MBLAC2: variants seen among roughly 807,000 people sequenced by gnomAD.
MBLAC2 encodes metallo-beta-lactamase domain containing 2.
Under a neutral mutation model 23.3 loss-of-function variants are expected in MBLAC2, and 24 were observed. The observed-to-expected ratio is 1.03, with a 90% confidence interval of 0.75 to 1.45. MBLAC2 has a LOEUF of 1.45. MBLAC2 is among the 40% of genes most tolerant of loss of function. The probability of loss-of-function intolerance (pLI) is 0.00; values close to 1 mark genes in which losing one functional copy is unlikely to be tolerated. For missense variants in MBLAC2, 358 were observed against 370.0 expected (o/e 0.97, Z 0.27); for synonymous variants, 162 against 150.9 (o/e 1.07, Z -0.54).
Position 90,474,071 on chromosome 5 carries a change from G to A in MBLAC2, c.222C>T (p.Arg74=). 6 of 1,576,672 alleles carry A rather than the reference G, an allele frequency of 3.8e-6. No individual in the cohort carries two copies. The highest frequency in any genetic ancestry group is 4.3e-6 in the Non-Finnish European group (5 of 1,161,652). Residue 74 remains arginine, a synonymous_variant, in exon 1 of 2, where the codon CGC becomes CGT. Coordinates refer to ENST00000316610, the MANE Select transcript of MBLAC2 (RefSeq NM_203406.2). ...QDREAKEDAA[R]RPLLAVATHV... ...GGGTGGCCACGGCAAGCAGTGGCCG[G>A]CGCGCCGCGTCCTCTTTGGCCTCTC...
Position 90,474,014 on chromosome 5 carries a change from G to C in MBLAC2, c.279C>G (p.Tyr93Ter). 6.3e-7 allele frequency: 1 copy of C among 1,597,058 alleles called. No homozygotes were observed. Among genetic ancestry groups the C allele is most frequent in the Non-Finnish European group, 8.5e-7 (1 of 1,173,028 alleles). The stretch of plus-strand genomic sequence containing the variant: ...GGTGCACTGCCACGCGGTCGAACTG[G>C]TAGAGGCCGCCGGAGTGGTCGAAGT... ...HVHFDHSGGLYQFDRVAVHHA... is the reference protein window; with the variant it reads ...HVHFDHSGGL The change falls in exon 1 of 2, where the codon TAC becomes TAG. Residue 93 changes from tyrosine to a stop codon, truncating the protein, a stop_gained. Coordinates refer to ENST00000316610, the MANE Select transcript of MBLAC2 (RefSeq NM_203406.2). LOFTEE classifies it high-confidence loss of function.
rs1304180525 is a variant in MBLAC2, at chr5:90,461,568, G to A, written c.455-16C>T. On this transcript the variant is annotated splice_polypyrimidine_tract_variant and intron_variant, in intron 1 of 1. Transcript: ENST00000316610. ...ATCACATCCCCTACAAATGGAAACAGAGTTTACAGATAAACATGTTGTATA... is the reference window on the plus strand; with the variant it reads ...ATCACATCCCCTACAAATGGAAACAAAGTTTACAGATAAACATGTTGTATA... The A allele has an allele frequency of 1.9e-6, 3 of 1,590,106 alleles. No individual in the cohort carries two copies. In the Admixed American group the frequency reaches 5.3e-5, roughly 28 times the overall value.
chr5:90,470,733 C>T (rs1750530012), intron 1 of MBLAC2, among the ~76,000 whole-genome samples: 1 of 148,048 alleles, frequency 6.8e-6, no homozygotes, highest in Non-Finnish European at 1.5e-5. Flanking sequence ...TGTCTCTCAT[C>T]CTTCTAGAAA....
intron 1 of MBLAC2, among the ~76,000 whole-genome samples, chr5:90,469,902 A>G (rs188510465): frequency 2.0e-5 from 3 of 152,366 alleles, no homozygotes; most frequent in Admixed American, 6.5e-5. Flanking sequence ...AAAGAAAGGA[A>G]ATCAGAATAC....
chr5:90,472,130 A>T (rs186513389), intron 1 of MBLAC2, among the ~76,000 whole-genome samples: 3 of 152,154 alleles, frequency 2.0e-5, no homozygotes, highest in African/African-American at 7.2e-5. Context: ...TCTATAAAAA[A>T]CCCCTATCAT....
At chr5:90,472,477 C>T (rs1009586988) in intron 1 of MBLAC2, 14 of 145,600 alleles carry the variant, frequency 9.6e-5, no homozygotes, top group African/African-American at 3.1e-4. Flanking sequence ...AAGACTTGTT[C>T]GGTGGGTGTG....
At chr5:90,466,645 A>AGATATATT (rs1750451230) in intron 1 of MBLAC2, among the ~76,000 whole-genome samples, 1 of 152,228 alleles carries the variant, frequency 6.6e-6, no homozygotes, top group Admixed American at 6.5e-5. Context: ...AGCTTGCATA[A>AGATATATT]CTCAATAATA....
chr5:90,459,930 T>G lies in MBLAC2; in HGVS notation c.*1237A>C, dbSNP rs1176944853. ...AATCTGATTTCCAAAGCGATTTCAG[T>G]TTGGTTTTAGATATGTCAATAATAA... is the stretch of plus-strand genomic sequence containing the variant. On this transcript the variant is annotated 3_prime_UTR_variant, in exon 2 of 2. Transcript: ENST00000316610. The G allele has an allele frequency of 6.6e-6, 1 of 151,204 alleles. No homozygotes were observed. The highest frequency in any genetic ancestry group is 1.9e-4 in the East Asian group (1 of 5,198). The allele number at this position is 151,204 out of a possible 1,614,324, so 9.4% of individuals were successfully genotyped here.
chr5:90,466,587 T>C (rs1408936364), intron 1 of MBLAC2, among the ~76,000 whole-genome samples: 1 of 152,182 alleles, frequency 6.6e-6, no homozygotes, highest in African/African-American at 2.4e-5. Context: ...TGGGAGAAGG[T>C]ATTTGCAAAA....
intron 1 of MBLAC2, among the ~76,000 whole-genome samples, chr5:90,463,192 T>C (rs541405564): frequency 6.6e-6 from 1 of 152,362 alleles, no homozygotes; most frequent in East Asian, 1.9e-4. Context: ...CAAACAATTC[T>C]TGTGCCTCAG....
intron 1 of MBLAC2, among the ~76,000 whole-genome samples, chr5:90,465,274 T>A (rs1185915331): frequency 6.6e-6 from 1 of 152,080 alleles, no homozygotes; most frequent in Non-Finnish European, 1.5e-5. Flanking sequence ...TGGGAAAAAA[T>A]TTGACAAAAG....
At position 90,474,318 on chromosome 5, in the gene MBLAC2, G is replaced by A. The variant is rs1295640305; in HGVS notation, c.-26C>T. 1 of 1,603,146 alleles carries A rather than the reference G, an allele frequency of 6.2e-7. No homozygotes were observed. The highest frequency in any genetic ancestry group is 8.5e-7 in the Non-Finnish European group (1 of 1,173,080). The stretch of plus-strand genomic sequence containing the variant: ...GCTGGGCAGGGGTGCAGCCAGGCGG[G>A]GTGAGTGTGGGCGTGCGAGTCTCCC... On this transcript the variant is annotated 5_prime_UTR_variant, in exon 1 of 2. Coordinates refer to ENST00000316610, the MANE Select transcript of MBLAC2 (RefSeq NM_203406.2).
rs1156987251 is a variant in MBLAC2, at chr5:90,458,909, AC to A, written c.*2257del. On this transcript the variant is annotated 3_prime_UTR_variant, in exon 2 of 2. Transcript: ENST00000316610. ...TCTATGTTGTGGTACAATTTGAAAAACTGAAAAAATTGGGAAATTAAAAAAT... is the reference window on the plus strand; with the variant it reads ...TCTATGTTGTGGTACAATTTGAAAAATGAAAAAATTGGGAAATTAAAAAAT... 1 of 152,576 alleles carries A rather than the reference AC, an allele frequency of 6.6e-6. No homozygotes were observed. The highest frequency in any genetic ancestry group is 1.9e-4 in the East Asian group (1 of 5,202). 9.5% of individuals were successfully genotyped at this position (152,576 alleles called of 1,614,324 possible).
chr5:90,472,303 A>C (rs2151892868), intron 1 of MBLAC2: 1 of 152,312 alleles, frequency 6.6e-6, no homozygotes, highest in South Asian at 2.1e-4. Flanking sequence ...TGGAAATGTT[A>C]CCTCTAAAAG....
rs10474326 is a variant in MBLAC2, at chr5:90,473,531, C to T, written c.454+308G>A. 0.017 allele frequency: 9,944 copies of T among 602,336 alleles called. 761 individuals carry two copies. The African/African-American group carries it at 0.17, about 10-fold the overall frequency. 37.3% of individuals were successfully genotyped at this position (602,336 alleles called of 1,614,324 possible). A position where few individuals can be genotyped will look rare whatever the true frequency, so the allele number is the denominator to read the frequency against. On this transcript the variant is annotated intron_variant, in intron 1 of 1. Transcript: ENST00000316610. Reference sequence around the variant, plus strand: ...AGAATGAGAAATCCCTAGTCAGTCACAAGTCTTTGTAGTGTTACTGCTACA... The same window carrying T: ...AGAATGAGAAATCCCTAGTCAGTCATAAGTCTTTGTAGTGTTACTGCTACA...
chr5:90,467,714 C>T (rs1023996523), intron 1 of MBLAC2, among the ~76,000 whole-genome samples: 11 of 142,476 alleles, frequency 7.7e-5, no homozygotes, highest in African/African-American at 2.8e-4. Context: ...CTATTCATCA[C>T]GCTATTTGTT....
intron 1 of MBLAC2, among the ~76,000 whole-genome samples, chr5:90,467,855 T>C (rs866627343): frequency 1.3e-5 from 2 of 152,238 alleles, no homozygotes; most frequent in African/African-American, 4.8e-5. Context: ...CAAAGTTTTC[T>C]TTCATGATTT....
intron 1 of MBLAC2, among the ~76,000 whole-genome samples, chr5:90,466,402 G>T (rs979518478): frequency 2.0e-5 from 3 of 152,082 alleles, no homozygotes; most frequent in African/African-American, 7.2e-5. Flanking sequence ...CCTAAATATG[G>T]GAGCTTCTAG....
chr5:90,474,254 G>A lies in MBLAC2; in HGVS notation c.39C>T (p.Gly13=). 2 of 1,613,608 alleles carry A rather than the reference G, an allele frequency of 1.2e-6. No individual in the cohort carries two copies. The highest frequency in any genetic ancestry group is 1.7e-6 in the Non-Finnish European group (2 of 1,179,840). Residue 13 remains glycine (G), a synonymous_variant, in exon 1 of 2, where the codon GGC becomes GGT. Transcript: ENST00000316610. ...ALEWYAHKSL[G]DGIFWIQERF... ...GTTCTTGAATCCAGAAGATACCATC[G>A]CCTAGAGACTTGTGGGCGTACCACT...
Sources: allele counts gnomAD v4.1 joint callset (sites outside exome capture counted in the v4.1 genomes callset), GRCh38; gene constraint gnomAD v4.1.1; transcripts MANE v1.5; gene names NCBI Gene and HGNC (gene_info 2026-07-23, HGNC 2026-07-21).